PRRC2B: variants seen among roughly 807,000 people sequenced by gnomAD.
PRRC2B encodes the protein protein PRRC2B.
PRRC2B carries 68 observed loss-of-function variants against 242.3 expected under a neutral mutation model. That is an observed-to-expected ratio of 0.28 (90% confidence interval 0.23 to 0.34). The LOEUF (loss-of-function observed/expected upper bound fraction) is 0.34, where lower values mean the gene tolerates loss of function less well. PRRC2B is among the 10% of genes least tolerant of loss of function. The pLI is 1.00. For missense variants in PRRC2B, 2,835 were observed against 2,954.8 expected (o/e 0.96, Z 0.94); for synonymous variants, 1,228 against 1,173.6 (o/e 1.05, Z -0.95).
intron 1 of PRRC2B, among the ~76,000 whole-genome samples, chr9:131,417,244 T>C (rs1475203008): frequency 6.6e-6 from 1 of 152,168 alleles, no homozygotes; most frequent in East Asian, 1.9e-4. Context: ...TGCCCTCCTG[T>C]GAGGAGCAGC....
chr9:131,396,197 A>G (rs1366551747), intron 1 of PRRC2B, among the ~76,000 whole-genome samples: 1 of 151,900 alleles, frequency 6.6e-6, no homozygotes, highest in East Asian at 1.9e-4. Flanking sequence ...GATGAAATGT[A>G]TGTGTTTGTT....
Position 131,476,243 on chromosome 9 carries a change from G to A in PRRC2B, c.4114G>A (p.Glu1372Lys), listed in dbSNP as rs1172235661. ...SYQNSSDHAN[E>K]EWETASESSD... The stretch of plus-strand genomic sequence containing the variant: ...CCAGAACTCCTCCGATCACGCCAAT[G>A]AGGAGTGGGAGACGGCCTCCGAAAG... Residue 1372 changes from glutamate to lysine, a missense_variant, in exon 16 of 32, where the codon GAG becomes AAG. This residue lies in a region of PRRC2B where 1,536 missense variants were observed against 1,483.1 expected (regional missense o/e 1.04). Coordinates refer to ENST00000683519, the MANE Select transcript of PRRC2B (RefSeq NM_013318.4). 1.1e-5 allele frequency: 17 copies of A among 1,612,552 alleles called. No homozygotes were observed. The highest frequency in any genetic ancestry group is 2.5e-6 in the Non-Finnish European group (3 of 1,179,422).
chr9:131,474,655 T>C lies in PRRC2B; in HGVS notation c.2526T>C (p.Ala842=), dbSNP rs921314610. 82 of 1,613,636 alleles carry C rather than the reference T, an allele frequency of 5.1e-5. 1 individual carries two copies. Among genetic ancestry groups the C allele is most frequent in the Non-Finnish European group, 6.7e-5 (79 of 1,179,818 alleles). The change falls in exon 16 of 32, where the codon GCT becomes GCC. Residue 842 remains alanine (A), a synonymous_variant. Coordinates refer to ENST00000683519, the MANE Select transcript of PRRC2B (RefSeq NM_013318.4). ...PPQENVQDAG[A]PGGHTQNLRC... ...AAGAAAATGTTCAGGATGCAGGTGC[T>C]CCTGGGGGTCACACCCAAAACCTCA...
intron 1 of PRRC2B, among the ~76,000 whole-genome samples, chr9:131,413,345 A>G (rs1164577600): frequency 6.6e-6 from 1 of 152,202 alleles, no homozygotes; most frequent in East Asian, 1.9e-4. Flanking sequence ...AACTGAACGC[A>G]GTAGGGTGGA....
chr9:131,469,840 G>A (rs117897700), intron 13 of PRRC2B, among the ~76,000 whole-genome samples: 1 of 152,288 alleles, frequency 6.6e-6, no homozygotes, highest in Non-Finnish European at 1.5e-5. Context: ...TTGTGCAAAT[G>A]TTCTGTATCC....
chr9:131,383,020 A>T (rs748185), intron 1 of PRRC2B, among the ~76,000 whole-genome samples: 1 of 151,828 alleles, frequency 6.6e-6, no homozygotes, highest in Non-Finnish European at 1.5e-5. Context: ...ACAGCGTGGG[A>T]TGTCCTCCCG....
intron 1 of PRRC2B, among the ~76,000 whole-genome samples, chr9:131,421,009 C>G (rs2131310588): frequency 6.6e-6 from 1 of 152,302 alleles, no homozygotes; most frequent in Non-Finnish European, 1.5e-5. Context: ...CGATTGCAGC[C>G]CACCTCCTGT....
Position 131,376,703 on chromosome 9 carries a change from G to A in PRRC2B, c.-56+2972G>A, listed in dbSNP as rs1471922965. Reference sequence around the variant, plus strand: ...TTGGAACAGAGCAAAACCCACTTGGGACTGCTGTGTGGGAGACAAAAAAAT... The same window carrying A: ...TTGGAACAGAGCAAAACCCACTTGGAACTGCTGTGTGGGAGACAAAAAAAT... On this transcript the variant is annotated intron_variant, in intron 1 of 1. Coordinates refer to the PRRC2B transcript ENST00000682525. Among the ~76,000 whole-genome samples, 9 of 152,274 alleles carry A rather than the reference G, an allele frequency of 5.9e-5. No individual in the cohort carries two copies. In the East Asian group the frequency reaches 1.2e-3, roughly 20 times the overall value.
At chr9:131,374,447 T>C (rs1419103139) in intron 1 of PRRC2B, among the ~76,000 whole-genome samples, 1 of 152,090 alleles carries the variant, frequency 6.6e-6, no homozygotes, top group East Asian at 1.9e-4. Context: ...TAAATTTTGC[T>C]AACATGTATT....
At chr9:131,449,316 A>G (rs1942839877) in intron 9 of PRRC2B, among the ~76,000 whole-genome samples, 1 of 151,966 alleles carries the variant, frequency 6.6e-6, no homozygotes, top group Admixed American at 6.6e-5. Context: ...TCCCAGCAGC[A>G]GTGTGTGAGA....
intron 2 of PRRC2B, among the ~76,000 whole-genome samples, chr9:131,431,297 A>AT (rs1388505605): frequency 1.3e-5 from 2 of 151,574 alleles, no homozygotes; most frequent in Non-Finnish European, 2.9e-5. Flanking sequence ...TGCCTGGCTA[A>AT]TTTTTTGTAT....
At chr9:131,480,778 A>AT (rs993392325) in intron 19 of PRRC2B, among the ~76,000 whole-genome samples, 2 of 151,392 alleles carry the variant, frequency 1.3e-5, no homozygotes, top group South Asian at 2.1e-4. Context: ...ATGCATATCT[A>AT]TTTTTCTGGG....
intron 5 of PRRC2B, among the ~76,000 whole-genome samples, chr9:131,441,696 G>A (rs916270062): frequency 6.6e-6 from 1 of 152,172 alleles, no homozygotes; most frequent in African/African-American, 2.4e-5. Flanking sequence ...ATTTGAGGGT[G>A]TTGCCCACAA....
intron 6 of PRRC2B, among the ~76,000 whole-genome samples, chr9:131,444,570 C>T (rs1048757839): frequency 2.6e-5 from 4 of 152,072 alleles, no homozygotes; most frequent in Non-Finnish European, 4.4e-5. Flanking sequence ...CTCTGTCATC[C>T]GGTTGTTAAT....
intron 1 of PRRC2B, among the ~76,000 whole-genome samples, chr9:131,396,614 C>T (rs1837067118): frequency 6.6e-6 from 1 of 152,192 alleles, no homozygotes; most frequent in South Asian, 2.1e-4. Context: ...GCCTGAGCTA[C>T]CGCGCCCGGT....
At chr9:131,434,523 C>G (rs935729958) in intron 3 of PRRC2B, among the ~76,000 whole-genome samples, 1 of 152,236 alleles carries the variant, frequency 6.6e-6, no homozygotes, top group African/African-American at 2.4e-5. Context: ...CGTGGGGACT[C>G]AGTGCTTAGT....
intron 1 of PRRC2B, among the ~76,000 whole-genome samples, chr9:131,420,497 T>TCTTTCTTTTCTTTCTTTTCTTTC (rs72209206): frequency 6.1e-5 from 1 of 16,432 alleles, no homozygotes; most frequent in Non-Finnish European, 1.5e-4. Context: ...TTCTTTCTTT[T>TCTTTCTTTTCTTTCTTTTCTTTC]TTTTTTTTTT....
Position 131,455,159 on chromosome 9 carries a change from C to T in PRRC2B, c.1204C>T (p.Pro402Ser). ...EEEEVVKDGRPKWNSWDPRRQ... is the reference protein window; with the variant it reads ...EEEEVVKDGRSKWNSWDPRRQ... ...GGAAGAAGTTGTGAAGGACGGCAGG[C>T]CAAAGTGGTAAGGACCCGTTCCTGC... The change falls in exon 10 of 32, where the codon CCA becomes TCA. Residue 402 changes from proline to serine, a missense_variant. Transcript: ENST00000683519. 6.2e-7 allele frequency: 1 copy of T among 1,612,762 alleles called. No homozygotes were observed. Among genetic ancestry groups the T allele is most frequent in the Non-Finnish European group, 8.5e-7 (1 of 1,178,980 alleles).
chr9:131,470,828 C>A lies in PRRC2B; in HGVS notation c.1952C>A (p.Pro651His). ...YKMQHWQPVY[P>H]PPSHPQRTFY... ...ATGCAGCACTGGCAGCCGGTGTACC[C>A]CCCGCCGTCCCACCCCCAGCGCACC... The change falls in exon 14 of 32, where the codon CCC becomes CAC. Residue 651 changes from proline (P) to histidine (H), a missense_variant. By Grantham distance (77) the Pro-to-His change is moderately conservative (BLOSUM62 -2). Transcript: ENST00000683519. 6.2e-7 allele frequency: 1 copy of A among 1,612,226 alleles called. No homozygotes were observed. Among genetic ancestry groups the A allele is most frequent in the Non-Finnish European group, 8.5e-7 (1 of 1,178,838 alleles).
Sources: allele counts gnomAD v4.1 joint callset (sites outside exome capture counted in the v4.1 genomes callset), GRCh38; gene constraint gnomAD v4.1.1; regional missense constraint gnomAD v4.1.1; transcripts MANE v1.5; gene names NCBI Gene and HGNC (gene_info 2026-07-23, HGNC 2026-07-21).